The following FRMD3 variants were observed in gnomAD, a reference collection of about 807,000 sequenced individuals.
FRMD3 encodes FERM domain containing 3.
A neutral mutation model predicts 70.2 loss-of-function variants in FRMD3; 33 were observed. That is an observed-to-expected ratio of 0.47 (90% CI 0.36 to 0.63). The LOEUF is 0.63. Ranked by LOEUF, FRMD3 falls within the 20% of genes least tolerant of loss-of-function variation. FRMD3 has a pLI of 0.00. For synonymous variants in FRMD3, 279 were observed against 255.9 expected, an observed-to-expected ratio of 1.09 and a Z score of -0.86; for missense variants, 632 against 711.4, an observed-to-expected ratio of 0.89 and a Z score of 1.27.
intron 1 of FRMD3, among the ~76,000 whole-genome samples, chr9:83,500,268 A>G (rs1237385985): frequency 6.6e-6 from 1 of 152,088 alleles, no homozygotes; most frequent in East Asian, 1.9e-4. Flanking sequence ...GTATTTATAA[A>G]AGTTTGTCAA....
chr9:83,438,239 A>G (rs1334640408), intron 1 of FRMD3, among the ~76,000 whole-genome samples: 2 of 152,254 alleles, frequency 1.3e-5, no homozygotes, highest in African/African-American at 2.4e-5. Flanking sequence ...TACTCCAAAG[A>G]AACAGAACCC....
chr9:83,275,520 A>C (rs1277214937), intron 13 of FRMD3, among the ~76,000 whole-genome samples: 1 of 152,178 alleles, frequency 6.6e-6, no homozygotes, highest in African/African-American at 2.4e-5. Context: ...AGATGGGACA[A>C]AATAATCTGA....
At chr9:83,296,399 A>C (rs2119004642) in intron 12 of FRMD3, among the ~76,000 whole-genome samples, 1 of 152,332 alleles carries the variant, frequency 6.6e-6, no homozygotes, top group South Asian at 2.1e-4. Flanking sequence ...TCATGCATTC[A>C]TTCAACAGCT....
chr9:83,332,036 T>A, intron 6 of FRMD3: 1 of 634,552 alleles, frequency 1.6e-6, no homozygotes, highest in South Asian at 1.9e-5. Flanking sequence ...TGAGTGACAA[T>A]GGTGGGCGGA....
chr9:83,411,820 C>A (rs912065659), intron 1 of FRMD3, among the ~76,000 whole-genome samples: 1 of 152,178 alleles, frequency 6.6e-6, no homozygotes, highest in Non-Finnish European at 1.5e-5. Flanking sequence ...TGAGTTTATA[C>A]ACAGAAAGTC....
chr9:83,259,198 G>A (rs2889953), intron 13 of FRMD3, among the ~76,000 whole-genome samples: 69,418 of 152,066 alleles, frequency 0.46, 17,041 homozygotes, highest in African/African-American at 0.64. Context: ...TCAAATGTCA[G>A]ATATCAGATA....
chr9:83,524,731 T>C (rs949179003), intron 1 of FRMD3, among the ~76,000 whole-genome samples: 5 of 152,166 alleles, frequency 3.3e-5, no homozygotes, highest in Non-Finnish European at 5.9e-5. Context: ...TAAATCAACC[T>C]CAATTTAATC....
chr9:83,496,512 T>TA (rs1458455836), intron 1 of FRMD3, among the ~76,000 whole-genome samples: 3 of 152,196 alleles, frequency 2.0e-5, no homozygotes, highest in Non-Finnish European at 4.4e-5. Flanking sequence ...TAAACACTCT[T>TA]AGACCCTATC....
intron 10 of FRMD3, among the ~76,000 whole-genome samples, chr9:83,307,607 A>G (rs902630442): frequency 1.3e-5 from 2 of 152,246 alleles, no homozygotes; most frequent in African/African-American, 2.4e-5. Flanking sequence ...AGGTAAATCC[A>G]TAAAAACAGA....
At chr9:83,287,858 C>T (rs1200441527) in intron 13 of FRMD3, among the ~76,000 whole-genome samples, 3 of 152,202 alleles carry the variant, frequency 2.0e-5, no homozygotes, top group Non-Finnish European at 4.4e-5. Context: ...TCTGTGATCC[C>T]ACTGCCATCT....
Position 83,313,734 on chromosome 9 carries a change from G to A in FRMD3, c.610C>T (p.Pro204Ser), listed in dbSNP as rs770868273. ...AGGAGCAAGTTAAATTCAGCAACTG[G>A]TGGGCTCTGCCCCCTAAAATCACAC... is the stretch of plus-strand genomic sequence containing the variant. Reference protein sequence around the residue: ...HKNELRGQSPPVAEFNLLLKA... With the variant: ...HKNELRGQSPSVAEFNLLLKA... Residue 204 changes from proline (P) to serine (S), a missense_variant, in exon 7 of 14, where the codon CCA (proline) becomes TCA (serine). Physicochemically the swap from Pro to Ser is moderately conservative, Grantham distance 74 (BLOSUM62 -1). Around this residue, in one of 3 missense-constraint regions of FRMD3, gnomAD observed 208 missense variants for 247.7 expected, o/e 0.84. Coordinates refer to ENST00000304195, the MANE Select transcript of FRMD3 (RefSeq NM_174938.6). 3 of 1,613,984 alleles carry A rather than the reference G, an allele frequency of 1.9e-6. No individual in the cohort carries two copies. Among genetic ancestry groups the A allele is most frequent in the Non-Finnish European group, 2.5e-6 (3 of 1,179,848 alleles).
intron 7 of FRMD3, among the ~76,000 whole-genome samples, chr9:83,312,542 T>C (rs1330907239): frequency 1.3e-5 from 2 of 152,164 alleles, no homozygotes; most frequent in East Asian, 1.9e-4. Context: ...ATAAATAAAA[T>C]ACAGTTCAAA....
the FRMD3 span, among the ~76,000 whole-genome samples, chr9:83,546,302 A>T: frequency 2.6e-5 from 4 of 152,360 alleles, no homozygotes; most frequent in East Asian, 7.7e-4. Flanking sequence ...GGTTGCAGTG[A>T]GCCAAGATTG....
intron 1 of FRMD3, among the ~76,000 whole-genome samples, chr9:83,530,138 A>G (rs1256403206): frequency 6.6e-6 from 1 of 152,244 alleles, no homozygotes; most frequent in Non-Finnish European, 1.5e-5. Flanking sequence ...ACTTCTAGGT[A>G]TACACCCAAG....
intron 3 of FRMD3, among the ~76,000 whole-genome samples, chr9:83,361,054 C>A: frequency 6.6e-6 from 1 of 152,134 alleles, no homozygotes; most frequent in Non-Finnish European, 1.5e-5. Flanking sequence ...AACAGGTGTC[C>A]AACGCTGGAG....
intron 13 of FRMD3, among the ~76,000 whole-genome samples, chr9:83,288,584 G>A (rs1444418433): frequency 4.6e-5 from 7 of 152,278 alleles, no homozygotes; most frequent in East Asian, 1.9e-4. Context: ...GTGGACTTCC[G>A]AAGAGAGAGA....
intron 1 of FRMD3, among the ~76,000 whole-genome samples, chr9:83,461,738 G>A (rs772706527): frequency 4.0e-5 from 5 of 125,130 alleles, no homozygotes; most frequent in Admixed American, 1.0e-4. Flanking sequence ...ATCCATGCTG[G>A]AGCGCAGTGG....
intron 1 of FRMD3, among the ~76,000 whole-genome samples, chr9:83,508,416 A>G (rs188873866): frequency 2.3e-3 from 348 of 152,266 alleles, no homozygotes; most frequent in Middle Eastern, 6.8e-3. Flanking sequence ...CTGTATGCAC[A>G]TCCTACTTCG....
intron 1 of FRMD3, among the ~76,000 whole-genome samples, chr9:83,442,189 G>A (rs760120692): frequency 1.3e-5 from 2 of 151,386 alleles, no homozygotes; most frequent in African/African-American, 4.8e-5. Context: ...CCAGATGTAA[G>A]AGCTTTGTGT....
Sources: allele counts gnomAD v4.1 joint callset (sites outside exome capture counted in the v4.1 genomes callset), GRCh38; gene constraint gnomAD v4.1.1; regional missense constraint gnomAD v4.1.1; transcripts MANE v1.5; gene names NCBI Gene and HGNC (gene_info 2026-07-23, HGNC 2026-07-21).